Variants in EIF3D observed in about 807,000 individuals in gnomAD.
EIF3D encodes eukaryotic translation initiation factor 3 subunit D.
EIF3D carries 10 observed loss-of-function variants against 75.4 expected under a neutral mutation model. The observed-to-expected ratio is 0.13, with a 90% CI of 0.08 to 0.22. The LOEUF is 0.22. Ranked by LOEUF, EIF3D falls within the 10% of genes least tolerant of loss-of-function variation. The pLI is 1.00. For synonymous variants in EIF3D, 246 were observed against 248.3 expected, an observed-to-expected ratio of 0.99 and a Z score of 0.09; for missense variants, 394 against 708.0, an observed-to-expected ratio of 0.56 and a Z score of 5.03.
chr22:36,524,744 G>A lies in EIF3D; in HGVS notation c.170-12C>T. 1 of 1,614,236 alleles carries A rather than the reference G, an allele frequency of 6.2e-7. No individual in the cohort carries two copies. Among genetic ancestry groups the A allele is most frequent in the East Asian group, 2.2e-5 (1 of 44,892 alleles). On this transcript the variant is annotated splice_polypyrimidine_tract_variant and intron_variant, in intron 3 of 14. Transcript: ENST00000216190. ...AGAGGAGTACTTATCTGGAGGCAAA[G>A]GTGATGGCATGTAGTAACTGCACCC...
At chr22:36,526,347 A>G (rs777518494) in intron 1 of EIF3D, among the ~76,000 whole-genome samples, 2 of 152,180 alleles carry the variant, frequency 1.3e-5, no homozygotes, top group South Asian at 2.1e-4. Context: ...CTGATTTTTC[A>G]TATTTCATTA....
At chr22:36,518,703 T>C (rs913639509) in intron 9 of EIF3D, 60 bp downstream of exon 9, 1 of 1,596,246 alleles carries the variant, frequency 6.3e-7, no homozygotes. Flanking sequence ...ACCAGAGACT[T>C]GTTCTGTACC....
Position 36,518,757 on chromosome 22 carries a change from T to G in EIF3D, c.859+6A>C. Reference sequence around the variant, plus strand: ...CTTTGAGTTGCTCCCCAGGCACGCTTCTTACCAAAGTCAGAGTTGTCTCTC... The same window carrying G: ...CTTTGAGTTGCTCCCCAGGCACGCTGCTTACCAAAGTCAGAGTTGTCTCTC... On this transcript the variant is annotated splice_donor_region_variant and intron_variant, in intron 9 of 14. Coordinates refer to ENST00000216190, the MANE Select transcript of EIF3D (RefSeq NM_003753.4). 5.6e-6 allele frequency: 9 copies of G among 1,614,006 alleles called. No individual in the cohort carries two copies. Among genetic ancestry groups the G allele is most frequent in the Non-Finnish European group, 7.6e-6 (9 of 1,180,016 alleles).
At chr22:36,513,652 C>T (rs1048290198) in intron 12 of EIF3D, among the ~76,000 whole-genome samples, 1 of 152,174 alleles carries the variant, frequency 6.6e-6, no homozygotes, top group African/African-American at 2.4e-5. Context: ...AGTATTCTGA[C>T]AAGATGTCTC....
chr22:36,528,999 G>A (rs1331870759), intron 1 of EIF3D, 77 bp downstream of exon 1: 3 of 329,530 alleles, frequency 9.1e-6, no homozygotes, highest in Non-Finnish European at 1.6e-5. Flanking sequence ...GGTCTCTTCC[G>A]GGAGGCCCCC....
intron 4 of EIF3D, 141 bp from the exon 5 acceptor site, chr22:36,524,121 C>T: frequency 2.4e-6 from 2 of 826,026 alleles, no homozygotes; most frequent in South Asian, 3.0e-5. Flanking sequence ...CACTCTACGG[C>T]ATCAACAGCT....
rs1379562685 is a variant in EIF3D, at chr22:36,526,040, T to C, written c.82A>G (p.Met28Val). Residue 28 changes from methionine to valine, a missense_variant, in exon 2 of 15, where the codon ATG becomes GTG. Coordinates refer to ENST00000216190, the MANE Select transcript of EIF3D (RefSeq NM_003753.4). ...PCAVPEQFRDMPYQPFSKGDR... is the reference protein window; with the variant it reads ...PCAVPEQFRDVPYQPFSKGDR... The stretch of plus-strand genomic sequence containing the variant: ...CCTTTGCTGAACGGCTGGTAGGGCA[T>C]ATCCCGAAACTGCTCGGGAACCGCA... 6.2e-7 allele frequency: 1 copy of C among 1,613,580 alleles called. No individual in the cohort carries two copies. The highest frequency in any genetic ancestry group is 8.5e-7 in the Non-Finnish European group (1 of 1,179,786).
intron 4 of EIF3D, 122 bp downstream of exon 4, chr22:36,524,474 T>C: frequency 7.1e-7 from 1 of 1,411,090 alleles, no homozygotes; most frequent in South Asian, 1.3e-5. Context: ...TGACCCGAGA[T>C]TCACGAAAAG....
intron 14 of EIF3D, among the ~76,000 whole-genome samples, 170 bp downstream of exon 14, chr22:36,511,333 T>C (rs1304553667): frequency 1.3e-5 from 2 of 152,176 alleles, no homozygotes; most frequent in Non-Finnish European, 2.9e-5. Flanking sequence ...CTTGATGTGA[T>C]CTAAAGGCTC....
chr22:36,522,642 C>CTT (rs1934531879), intron 6 of EIF3D, among the ~76,000 whole-genome samples: 2 of 151,894 alleles, frequency 1.3e-5, no homozygotes, highest in Non-Finnish European at 2.9e-5. Flanking sequence ...TTCATAGCTG[C>CTT]CTACTGCTGG....
intron 6 of EIF3D, among the ~76,000 whole-genome samples, chr22:36,521,452 T>G (rs1221907388): frequency 6.6e-6 from 1 of 152,180 alleles, no homozygotes; most frequent in Non-Finnish European, 1.5e-5. Context: ...GTAGCTTCAC[T>G]TTTGCTTACA....
chr22:36,529,039 C>T (rs1464406353), intron 1 of EIF3D, 37 bp downstream of exon 1: 3 of 374,204 alleles, frequency 8.0e-6, no homozygotes, highest in Non-Finnish European at 1.4e-5. Flanking sequence ...GAACCGGCTC[C>T]GGAGGGCCGC....
chr22:36,524,284 TAA>T (rs1372793207), intron 4 of EIF3D, among the ~76,000 whole-genome samples: 2 of 152,202 alleles, frequency 1.3e-5, no homozygotes, highest in Non-Finnish European at 2.9e-5. Flanking sequence ...ATCTACTTAA[TAA>T]AGTCTGCACA....
chr22:36,511,546 A>G lies in EIF3D; in HGVS notation c.1590T>C (p.Asp530=), dbSNP rs771913779. ...CCTCCTCCTCTTCCTCCTCATCTTC[A>G]TCAGAGCTGAAGGTGCCATCAGGGA... The part of the protein sequence containing the change: ...YSLPDGTFSS[D]EDEEEEEEEE... The change falls in exon 14 of 15, where the codon GAT becomes GAC. Residue 530 remains aspartate (D), a synonymous_variant. Coordinates refer to ENST00000216190, the MANE Select transcript of EIF3D (RefSeq NM_003753.4). 3.7e-6 allele frequency: 6 copies of G among 1,613,790 alleles called. No individual in the cohort carries two copies. The highest frequency in any genetic ancestry group is 5.1e-6 in the Non-Finnish European group (6 of 1,179,876).
intron 1 of EIF3D, among the ~76,000 whole-genome samples, chr22:36,526,593 T>C (rs916459453): frequency 2.0e-5 from 3 of 152,018 alleles, no homozygotes; most frequent in Admixed American, 1.3e-4. Flanking sequence ...CCCTAAGACT[T>C]AGTAGTCTTT....
intron 12 of EIF3D, chr22:36,512,848 GACACACACGGAC>G (rs1362139758): frequency 2.2e-5 from 9 of 402,124 alleles, no homozygotes; most frequent in African/African-American, 3.7e-5. Flanking sequence ...ATGATGGATG[GACACACACGGAC>G]ACACACACAC....
At chr22:36,517,040 C>A in intron 10 of EIF3D, 1 of 612,448 alleles carries the variant, frequency 1.6e-6, no homozygotes. Flanking sequence ...CATATATTCA[C>A]CATTTGATGT....
At chr22:36,522,791 AG>A (rs1234269420) in intron 6 of EIF3D, among the ~76,000 whole-genome samples, 2 of 152,190 alleles carry the variant, frequency 1.3e-5, no homozygotes, top group Non-Finnish European at 2.9e-5. Context: ...CCCTTCTCTC[AG>A]GAATGGGCTA....
chr22:36,523,979 C>T lies in EIF3D; in HGVS notation c.308G>A (p.Arg103Lys). Reference sequence around the variant, plus strand: ...ACGATCTTTGTCTCTGCGGAGGTTCCTCTGGGCATCAGCAAGAAACATCCA... The same window carrying T: ...ACGATCTTTGTCTCTGCGGAGGTTCTTCTGGGCATCAGCAAGAAACATCCA... Reference protein sequence around the residue: ...YQRNRMRFAQRNLRRDKDRRN... With the variant: ...YQRNRMRFAQKNLRRDKDRRN... The change falls in exon 5 of 15, where the codon AGG (arginine) becomes AAG (lysine). Residue 103 changes from arginine to lysine, a missense_variant and splice_region_variant. By Grantham distance (26) the Arg-to-Lys change is conservative. Coordinates refer to ENST00000216190, the MANE Select transcript of EIF3D (RefSeq NM_003753.4). 6.2e-7 allele frequency: 1 copy of T among 1,614,054 alleles called. No individual in the cohort carries two copies. Among genetic ancestry groups the T allele is most frequent in the Non-Finnish European group, 8.5e-7 (1 of 1,179,998 alleles).
Sources: allele counts gnomAD v4.1 joint callset (sites outside exome capture counted in the v4.1 genomes callset), GRCh38; gene constraint gnomAD v4.1.1; transcripts MANE v1.5; gene names NCBI Gene and HGNC (gene_info 2026-07-23, HGNC 2026-07-21).